Variants in GRM8 observed in about 807,000 individuals in gnomAD.
The protein encoded by GRM8 is metabotropic glutamate receptor 8.
GRM8 carries 47 observed loss-of-function variants against 87.2 expected under a neutral mutation model. That is an observed-to-expected ratio of 0.54 (90% CI 0.43 to 0.69). GRM8 has a LOEUF of 0.69. GRM8 is among the 30% of genes least tolerant of loss of function. GRM8 has a pLI of 0.00. For missense variants in GRM8, 1,019 were observed against 1,139.2 expected (o/e 0.89, Z 1.52); for synonymous variants, 396 against 404.5 (o/e 0.98, Z 0.25).
intron 7 of GRM8, among the ~76,000 whole-genome samples, chr7:126,625,671 G>A (rs1040480215): frequency 2.0e-5 from 3 of 152,146 alleles, no homozygotes; most frequent in African/African-American, 7.2e-5. Context: ...CAAATAAGCT[G>A]ATTCAACTTT....
chr7:126,439,208 T>A lies in GRM8; in HGVS notation c.2678-40A>T, dbSNP rs773994153. 18 of 1,043,710 alleles carry A rather than the reference T, an allele frequency of 1.7e-5. No individual in the cohort carries two copies. In the South Asian group the frequency reaches 2.1e-4, roughly 12 times the overall value. 64.7% of individuals were successfully genotyped at this position (1,043,710 alleles called of 1,614,324 possible). ...GAGGACAAATTAAAATAGTATATAA[T>A]AATACATCCTTTTGTTAATATGATT... is the stretch of plus-strand genomic sequence containing the variant. On this transcript the variant is annotated intron_variant, in intron 10 of 10. Coordinates refer to ENST00000339582, the MANE Select transcript of GRM8 (RefSeq NM_000845.3).
At chr7:126,794,824 A>C (rs753156959) in intron 6 of GRM8, among the ~76,000 whole-genome samples, 4 of 152,154 alleles carry the variant, frequency 2.6e-5, no homozygotes, top group Non-Finnish European at 4.4e-5. Flanking sequence ...TTGCATTTTC[A>C]CAAAGATTTC....
intron 7 of GRM8, among the ~76,000 whole-genome samples, chr7:126,671,807 C>T (rs1806411822): frequency 6.6e-6 from 1 of 152,178 alleles, no homozygotes; most frequent in Admixed American, 6.5e-5. Context: ...TCCCAGCAAG[C>T]ATAACTATGG....
At chr7:126,997,690 C>T (rs1381118788) in intron 3 of GRM8, among the ~76,000 whole-genome samples, 3 of 151,504 alleles carry the variant, frequency 2.0e-5, no homozygotes, top group East Asian at 3.9e-4. Context: ...GTGGAGGAAA[C>T]GGATAAATTC....
At chr7:126,448,032 C>T (rs1802210728) in intron 9 of GRM8, among the ~76,000 whole-genome samples, 1 of 151,942 alleles carries the variant, frequency 6.6e-6, no homozygotes, top group South Asian at 2.1e-4. Context: ...TTATTTTAAA[C>T]ATTCCTAAGC....
Position 126,798,962 on chromosome 7 carries a change from A to C in GRM8, c.1157-28897T>G, listed in dbSNP as rs147407126. Among the ~76,000 whole-genome samples, 15 of 152,248 alleles carry C rather than the reference A, an allele frequency of 9.9e-5. No individual in the cohort carries two copies. In the East Asian group the frequency reaches 2.7e-3, roughly 28 times the overall value. ...AGTTCCAAGGCAGAACCTAGGTAGCACTATTGGAGAACACTCCAGAGCCTG... is the reference window on the plus strand; with the variant it reads ...AGTTCCAAGGCAGAACCTAGGTAGCCCTATTGGAGAACACTCCAGAGCCTG... On this transcript the variant is annotated intron_variant, in intron 6 of 10. Transcript: ENST00000339582.
At chr7:126,653,315 A>AAAAAC (rs1804140391) in intron 7 of GRM8, among the ~76,000 whole-genome samples, 1 of 151,310 alleles carries the variant, frequency 6.6e-6, no homozygotes, top group Non-Finnish European at 1.5e-5. Context: ...AAAAAAAAAA[A>AAAAAC]AGGCAAGGAG....
intron 8 of GRM8, among the ~76,000 whole-genome samples, chr7:126,576,232 A>G (rs908055128): frequency 6.6e-6 from 1 of 152,194 alleles, no homozygotes; most frequent in African/African-American, 2.4e-5. Context: ...TTCACAGCAC[A>G]GAGCAAACAA....
intron 7 of GRM8, among the ~76,000 whole-genome samples, chr7:126,702,512 G>A (rs980349397): frequency 6.6e-6 from 1 of 152,182 alleles, no homozygotes; most frequent in Non-Finnish European, 1.5e-5. Context: ...TGGCAGAGAA[G>A]GTGTCTACTT....
chr7:126,749,812 A>C (rs1336365449), intron 7 of GRM8, among the ~76,000 whole-genome samples: 4 of 152,132 alleles, frequency 2.6e-5, no homozygotes, highest in Non-Finnish European at 5.9e-5. Context: ...AATAGCTAAA[A>C]TTAAAATGAC....
Position 126,770,048 on chromosome 7 carries a change from G to T in GRM8, c.1174C>A (p.Arg392=), listed in dbSNP as rs753150351. 2.5e-6 allele frequency: 4 copies of T among 1,611,444 alleles called. No homozygotes were observed. The South Asian group carries it at 3.3e-5, about 13-fold the overall frequency. ...KKCTGLERIA[R]DSSYEQEGKV... is the part of the protein sequence containing the mutation. ...CCTTCCTGTTCATAAGATGAATCCC[G>T]AGCAATTCGCTCCAGCCCTGCAAAA... The change falls in exon 7 of 11, where the codon CGG becomes AGG. Residue 392 remains arginine, a synonymous_variant. Transcript: ENST00000339582.
At chr7:126,615,343 C>T (rs1585231218) in intron 7 of GRM8, among the ~76,000 whole-genome samples, 1 of 152,174 alleles carries the variant, frequency 6.6e-6, no homozygotes, top group East Asian at 1.9e-4. Flanking sequence ...TTGTCACCAC[C>T]AGGCCTGCCC....
intron 7 of GRM8, among the ~76,000 whole-genome samples, chr7:126,654,349 T>C (rs1034871598): frequency 6.6e-6 from 1 of 152,214 alleles, no homozygotes; most frequent in Non-Finnish European, 1.5e-5. Context: ...TTCATTTCTT[T>C]ATCTTCAAAT....
At chr7:127,061,554 T>C (rs1408888508) in intron 3 of GRM8, among the ~76,000 whole-genome samples, 1 of 152,168 alleles carries the variant, frequency 6.6e-6, no homozygotes, top group Non-Finnish European at 1.5e-5. Flanking sequence ...ATTTCTGGCT[T>C]TGGGGCCCCT....
intron 7 of GRM8, among the ~76,000 whole-genome samples, chr7:126,700,001 A>C: frequency 6.6e-6 from 1 of 152,170 alleles, no homozygotes; most frequent in East Asian, 1.9e-4. Context: ...AGGGAGATGG[A>C]GGATGTTAAC....
intron 6 of GRM8, among the ~76,000 whole-genome samples, chr7:126,827,109 G>A (rs1563224444): frequency 6.6e-6 from 1 of 152,146 alleles, no homozygotes; most frequent in South Asian, 2.1e-4. Flanking sequence ...TGCTGTTTTG[G>A]TTACTGTAGC....
chr7:126,626,763 T>C (rs897016121), intron 7 of GRM8, among the ~76,000 whole-genome samples: 1 of 152,204 alleles, frequency 6.6e-6, no homozygotes, highest in Non-Finnish European at 1.5e-5. Flanking sequence ...CTCATGCCTG[T>C]AATCCTAGCA....
chr7:126,953,458 C>T lies in GRM8; in HGVS notation c.728-48775G>A, dbSNP rs528657546. On this transcript the variant is annotated intron_variant, in intron 3 of 10. Transcript: ENST00000339582. Reference sequence around the variant, plus strand: ...GTTTGCAACTCCAACAGTGAAATACCGCCACTACATTTGATTTTTGGCTTA... The same window carrying T: ...GTTTGCAACTCCAACAGTGAAATACTGCCACTACATTTGATTTTTGGCTTA... Among the ~76,000 whole-genome samples the T allele has an allele frequency of 3.3e-5, 5 of 152,132 alleles. No homozygotes were observed. The South Asian group carries it at 8.3e-4, about 25-fold the overall frequency.
At chr7:127,076,486 G>A (rs1822270375) in intron 3 of GRM8, among the ~76,000 whole-genome samples, 1 of 152,332 alleles carries the variant, frequency 6.6e-6, no homozygotes, top group East Asian at 1.9e-4. Context: ...GATGAGGCAG[G>A]AAGCTGCTCA....
Sources: allele counts gnomAD v4.1 joint callset (sites outside exome capture counted in the v4.1 genomes callset), GRCh38; gene constraint gnomAD v4.1.1; transcripts MANE v1.5; gene names NCBI Gene and HGNC (gene_info 2026-07-23, HGNC 2026-07-21).